Variants in TTC28 observed in about 807,000 individuals in gnomAD.
TTC28 encodes tetratricopeptide repeat domain 28.
A neutral mutation model predicts 198.0 loss-of-function variants in TTC28; 61 were observed. The ratio of observed to expected loss-of-function variants is 0.31; its 90% CI spans 0.25 to 0.38. The LOEUF (loss-of-function observed/expected upper bound fraction) is 0.38. Among genes scored for constraint, TTC28 ranks in the 10% least tolerant of loss-of-function variants. TTC28 has a pLI of 1.00. For synonymous variants in TTC28, 1,171 were observed against 1,297.8 expected (o/e 0.90, Z 2.10); for missense variants, 2,678 against 3,164.0 (o/e 0.85, Z 3.69).
At chr22:28,353,521 G>A (rs142189241) in intron 2 of TTC28, among the ~76,000 whole-genome samples, 2 of 152,214 alleles carry the variant, frequency 1.3e-5, no homozygotes, top group Non-Finnish European at 2.9e-5. Context: ...ACAGAACAGA[G>A]AGCCCAGAAA....
In TTC28 at chr22:27,998,585, C is replaced by T. The variant is rs1396685271; in HGVS notation, c.5074G>A (p.Val1692Met). 6.4e-7 allele frequency: 1 copy of T among 1,550,810 alleles called. No individual in the cohort carries two copies. The highest frequency in any genetic ancestry group is 8.7e-7 in the Non-Finnish European group (1 of 1,146,998). ...ASAALGEAMK[V>M]VQSSKAFSHP... ...GAGAAGGCCTTGCTGCTCTGCACCA[C>T]CTTCATGGCCTCCCCCAGGGCGGCG... Residue 1692 changes from valine (V) to methionine (M), a missense_variant, in exon 16 of 23, where the codon GTG becomes ATG. This residue lies in a region of TTC28 where 314 missense variants were observed against 442.7 expected (regional missense o/e 0.71). Coordinates refer to ENST00000397906, the MANE Select transcript of TTC28 (RefSeq NM_001145418.2).
intron 2 of TTC28, among the ~76,000 whole-genome samples, chr22:28,389,156 G>A (rs1254397490): frequency 1.7e-4 from 26 of 152,010 alleles, no homozygotes; most frequent in East Asian, 5.8e-4. Flanking sequence ...ATTGATTTGC[G>A]TATATTGAAC....
chr22:28,651,317 T>C (rs549778622), intron 1 of TTC28, among the ~76,000 whole-genome samples: 10 of 151,642 alleles, frequency 6.6e-5, no homozygotes, highest in Non-Finnish European at 1.5e-4. Flanking sequence ...ACTCCTTTTT[T>C]TTGAGACAGG....
intron 2 of TTC28, among the ~76,000 whole-genome samples, chr22:28,371,707 G>A (rs1211005229): frequency 7.2e-6 from 1 of 138,498 alleles, no homozygotes; most frequent in South Asian, 2.5e-4. Context: ...TCAGCCTCCC[G>A]AATAGCTGGG....
At chr22:28,436,812 G>A (rs1040348756) in intron 2 of TTC28, among the ~76,000 whole-genome samples, 1 of 152,192 alleles carries the variant, frequency 6.6e-6, no homozygotes, top group Non-Finnish European at 1.5e-5. Flanking sequence ...GAATTCTCAT[G>A]CCCAGGCAGT....
At chr22:28,057,629 A>T (rs992299052) in intron 12 of TTC28, among the ~76,000 whole-genome samples, 2 of 151,822 alleles carry the variant, frequency 1.3e-5, no homozygotes, top group Non-Finnish European at 1.5e-5. Flanking sequence ...CTAATTTATA[A>T]TTTTTTTTCT....
At chr22:28,237,792 G>A (rs1929359855) in intron 5 of TTC28, among the ~76,000 whole-genome samples, 1 of 152,024 alleles carries the variant, frequency 6.6e-6, no homozygotes, top group Non-Finnish European at 1.5e-5. Context: ...GTTCTTTAGT[G>A]CAAATCTGCT....
chr22:28,501,400 G>C (rs1011261785), intron 2 of TTC28, among the ~76,000 whole-genome samples: 11 of 152,122 alleles, frequency 7.2e-5, no homozygotes. Context: ...CGTGTGAAGG[G>C]AACTGTGATG....
At chr22:28,201,396 G>C (rs1925924905) in intron 5 of TTC28, among the ~76,000 whole-genome samples, 1 of 152,088 alleles carries the variant, frequency 6.6e-6, no homozygotes, top group Non-Finnish European at 1.5e-5. Context: ...AACACAGCAA[G>C]AAGACTTAAC....
chr22:28,442,514 G>A (rs1245975899), intron 2 of TTC28, among the ~76,000 whole-genome samples: 1 of 152,222 alleles, frequency 6.6e-6, no homozygotes, highest in Admixed American at 6.5e-5. Context: ...CCTGTGTCAG[G>A]GGTGCAGCCT....
In TTC28 at chr22:28,313,942, C is replaced by T. The variant is rs546038713; in HGVS notation, c.382-7299G>A. 1.6e-4 allele frequency among the ~76,000 whole-genome samples: 25 copies of T among 152,222 alleles called. 2 individuals are homozygous for T. Among genetic ancestry groups the T allele is most frequent in the African/African-American group, 3.9e-4 (16 of 41,542 alleles). Reference sequence around the variant, plus strand: ...AAATTGTCTCTGTTTGCAGATGACACGATTGTATATTGAGAAAACCCCAAC... The same window carrying T: ...AAATTGTCTCTGTTTGCAGATGACATGATTGTATATTGAGAAAACCCCAAC... On this transcript the variant is annotated intron_variant, in intron 2 of 22. Transcript: ENST00000397906.
In TTC28 at chr22:28,163,571, CCCAGACTGCT is replaced by C; in HGVS notation, c.952_961del (p.Ser318AlafsTer61). 6.5e-7 allele frequency: 1 copy of C among 1,548,736 alleles called. No individual in the cohort carries two copies. Among genetic ancestry groups the C allele is most frequent in the Non-Finnish European group, 8.7e-7 (1 of 1,145,518 alleles). On this transcript the variant is annotated frameshift_variant, in exon 6 of 23. Coordinates refer to ENST00000397906, the MANE Select transcript of TTC28 (RefSeq NM_001145418.2). LOFTEE classifies it high-confidence loss of function. ...GTCTCCAATGGCTGTGTACACGTGG[CCCAGACTGCT>C]CAAGGCTGATGAAGCTGCCTGGAGA...
chr22:28,624,483 A>C (rs2051047856), intron 2 of TTC28, among the ~76,000 whole-genome samples: 1 of 152,222 alleles, frequency 6.6e-6, no homozygotes, highest in South Asian at 2.1e-4. Flanking sequence ...TAAAGTTGAC[A>C]ACCTAGATTA....
intron 2 of TTC28, among the ~76,000 whole-genome samples, chr22:28,560,191 G>A (rs2049846367): frequency 6.6e-6 from 1 of 152,152 alleles, no homozygotes; most frequent in African/African-American, 2.4e-5. Context: ...CCTACTTGAT[G>A]CTATCTGGAA....
intron 6 of TTC28, among the ~76,000 whole-genome samples, chr22:28,129,850 AACAT>A (rs1326985560): frequency 1.3e-5 from 2 of 152,168 alleles, no homozygotes; most frequent in African/African-American, 4.8e-5. Flanking sequence ...GGACCTTGTT[AACAT>A]ACAGTGGCTG....
intron 2 of TTC28, among the ~76,000 whole-genome samples, chr22:28,490,982 G>C (rs2048368683): frequency 6.6e-6 from 1 of 152,162 alleles, no homozygotes; most frequent in African/African-American, 2.4e-5. Flanking sequence ...GTTTATTCAA[G>C]AAGTTTTGTG....
intron 2 of TTC28, among the ~76,000 whole-genome samples, chr22:28,519,174 T>C (rs891008259): frequency 6.6e-6 from 1 of 152,150 alleles, no homozygotes; most frequent in Non-Finnish European, 1.5e-5. Flanking sequence ...AGAAGATGAC[T>C]GAAAATTTTT....
At chr22:28,438,672 T>C (rs2047562584) in intron 2 of TTC28, among the ~76,000 whole-genome samples, 1 of 152,232 alleles carries the variant, frequency 6.6e-6, no homozygotes, top group Non-Finnish European at 1.5e-5. Flanking sequence ...ATCCTTGGAT[T>C]TTAAAGAGCA....
chr22:28,066,334 T>A (rs1044210795), intron 12 of TTC28, among the ~76,000 whole-genome samples: 4 of 151,164 alleles, frequency 2.6e-5, no homozygotes, highest in African/African-American at 9.7e-5. Context: ...CGCGCGCGCA[T>A]GCATGTGTAG....
Sources: gnomAD v4.1 joint callset for allele counts (sites outside exome capture counted in the v4.1 genomes callset) on GRCh38, gnomAD v4.1.1 for gene constraint, gnomAD v4.1.1 regional missense constraint, MANE v1.5 for transcripts, NCBI Gene and HGNC (gene_info 2026-07-23, HGNC 2026-07-21) for gene names.